The following CFAP47 variants were observed in gnomAD, a reference collection of about 807,000 sequenced individuals.
The protein encoded by CFAP47 is cilia- and flagella-associated protein 47.
Under a neutral mutation model 148.1 loss-of-function variants are expected in CFAP47, and 29 were observed. That is an observed-to-expected ratio of 0.20 (90% confidence interval 0.15 to 0.27). CFAP47 has a LOEUF of 0.27. CFAP47 is among the 10% of genes least tolerant of loss of function. The pLI is 1.00. For synonymous variants in CFAP47, 664 were observed against 577.3 expected, an observed-to-expected ratio of 1.15 and a Z score of -2.15; for missense variants, 1,872 against 1,697.5, an observed-to-expected ratio of 1.10 and a Z score of -1.81.
At chrX:36,145,061 T>TTATA in intron 35 of CFAP47, 158 bp from the exon 36 acceptor site, 3 of 367,755 alleles carry the variant, frequency 8.2e-6, no homozygotes, top group Non-Finnish European at 1.4e-5. Context: ...AAATTCCCGT[T>TTATA]TATATATATA....
At chrX:36,243,453 A>G (rs994795293) in intron 48 of CFAP47, among the ~76,000 whole-genome samples, 3 of 109,122 alleles carry the variant, frequency 2.7e-5, no homozygotes. Flanking sequence ...ACATGTAACA[A>G]TACCCACAGG....
chrX:36,055,162 T>C (rs768922481), intron 26 of CFAP47, among the ~76,000 whole-genome samples: 1 of 110,789 alleles, frequency 9.0e-6, no homozygotes, highest in Admixed American at 9.7e-5. Flanking sequence ...TTATTTATTT[T>C]TCTTCAATTT....
rs372346132 is a variant in CFAP47 at position 36,054,917 on chromosome X, C to A, written c.4217+7854C>A. ...CTTCCCGAGTACCTGGGACTACAGG[C>A]GCCCGCCACCACGCCCAGCTAATTT... On this transcript the variant is annotated intron_variant, in intron 26 of 63. Transcript: ENST00000378653. Among the ~76,000 whole-genome samples, 7 of 109,245 alleles carry A rather than the reference C, an allele frequency of 6.4e-5. No homozygotes were observed. In the South Asian group the frequency reaches 2.8e-3, roughly 44 times the overall value. 94.9% of individuals were successfully genotyped at this position (109,245 alleles called of 115,157 possible). A position where few individuals can be genotyped will look rare whatever the true frequency, so the allele number is the denominator to read the frequency against.
intron 25 of CFAP47, among the ~76,000 whole-genome samples, chrX:36,041,725 C>A (rs868047014): frequency 9.1e-6 from 1 of 110,117 alleles, no homozygotes; most frequent in Admixed American, 9.7e-5. Context: ...AGATCGAGAC[C>A]ATTTTGGCTA....
At position 36,358,037 on chromosome X, in the gene CFAP47, G is replaced by C. The variant is rs187466825; in HGVS notation, c.8852-3293G>C. Among the ~76,000 whole-genome samples the C allele has an allele frequency of 1.7e-3, 189 of 111,579 alleles. 2 individuals are homozygous for C. Among genetic ancestry groups the C allele is most frequent in the East Asian group, 1.1e-3 (4 of 3,522 alleles). ...CAGGTTTGGCCTGTAATCACAAACA[G>C]CTCCTGAGAAACCTGTCATTGTTCC... On this transcript the variant is annotated intron_variant, in intron 60 of 63. Transcript: ENST00000378653.
chrX:36,378,671 C>G (rs898957659), intron 62 of CFAP47, among the ~76,000 whole-genome samples: 1 of 111,529 alleles, frequency 9.0e-6, no homozygotes, highest in Non-Finnish European at 1.9e-5. Flanking sequence ...TCCCTAGTAA[C>G]TGGGATTACA....
chrX:36,127,102 A>T (rs1938853612), intron 33 of CFAP47, among the ~76,000 whole-genome samples: 1 of 111,672 alleles, frequency 9.0e-6, no homozygotes, highest in Non-Finnish European at 1.9e-5. Flanking sequence ...GTTTAATTAG[A>T]TCCCATTTGT....
At chrX:36,231,795 C>A (rs1940364532) in intron 46 of CFAP47, among the ~76,000 whole-genome samples, 1 of 111,418 alleles carries the variant, frequency 9.0e-6, no homozygotes, top group Non-Finnish European at 1.9e-5. Context: ...CCATCAATAC[C>A]TAATTTATTG....
intron 46 of CFAP47, among the ~76,000 whole-genome samples, chrX:36,230,847 G>A (rs1212596546): frequency 9.4e-6 from 1 of 106,061 alleles, no homozygotes; most frequent in Non-Finnish European, 1.9e-5. Flanking sequence ...AGTTTTCCCA[G>A]CACCATTTAT....
intron 34 of CFAP47, 65 bp from the exon 35 acceptor site, chrX:36,138,283 A>G: frequency 1.0e-6 from 1 of 993,634 alleles, no homozygotes; most frequent in Non-Finnish European, 1.3e-6. Context: ...CTAACTATAG[A>G]GAACACTTAA....
intron 15 of CFAP47, among the ~76,000 whole-genome samples, chrX:35,987,206 A>G (rs1936727907): frequency 9.0e-6 from 1 of 111,502 alleles, no homozygotes; most frequent in African/African-American, 3.3e-5. Flanking sequence ...CTGTGCCCAC[A>G]GCTGCCTCTT....
intron 39 of CFAP47, among the ~76,000 whole-genome samples, chrX:36,173,899 G>C (rs1169604899): frequency 9.0e-6 from 1 of 111,501 alleles, no homozygotes; most frequent in Non-Finnish European, 1.9e-5. Flanking sequence ...TCACACTGGG[G>C]TGTTAAAGTC....
chrX:36,289,644 T>A (rs1556005265), intron 51 of CFAP47, among the ~76,000 whole-genome samples: 3 of 111,826 alleles, frequency 2.7e-5, no homozygotes. Flanking sequence ...TTTTAAAAAT[T>A]TTAAAGCACT....
At chrX:36,253,960 T>G (rs1940720911) in intron 49 of CFAP47, among the ~76,000 whole-genome samples, 1 of 111,906 alleles carries the variant, frequency 8.9e-6, no homozygotes, top group African/African-American at 3.2e-5. Flanking sequence ...TTCTGGTTGG[T>G]CAGTATTGGG....
chrX:36,028,180 A>G (rs1022696815), intron 22 of CFAP47, among the ~76,000 whole-genome samples: 24 of 109,432 alleles, frequency 2.2e-4, no homozygotes, highest in African/African-American at 7.9e-4. Context: ...GTCCATTTTT[A>G]TTTTTGTTGT....
intron 49 of CFAP47, among the ~76,000 whole-genome samples, chrX:36,276,796 A>G (rs1036518134): frequency 1.8e-5 from 2 of 112,305 alleles, no homozygotes; most frequent in African/African-American, 6.5e-5. Flanking sequence ...GAGTTGAACA[A>G]CTGGATTAAT....
chrX:35,966,707 G>T lies in CFAP47; in HGVS notation c.1553G>T (p.Ser518Ile). 8.5e-7 allele frequency: 1 copy of T among 1,171,728 alleles called. No homozygotes were observed. Among genetic ancestry groups the T allele is most frequent in the Non-Finnish European group, 1.1e-6 (1 of 873,905 alleles). The change falls in exon 9 of 64, where the codon AGC (serine) becomes ATC (isoleucine). Residue 518 changes from serine to isoleucine, a missense_variant. Coordinates refer to ENST00000378653, the MANE Select transcript of CFAP47 (RefSeq NM_001304548.2). ...SFHHVYLAFN[S>I]ICKASTKKVV... is the part of the protein sequence containing the mutation. ...CATCACGTATATTTAGCTTTCAACA[G>T]CATCTGTAAAGCTTCCACCAAGAAA...
intron 21 of CFAP47, among the ~76,000 whole-genome samples, chrX:36,008,252 CT>C (rs757197270): frequency 8.9e-6 from 1 of 111,902 alleles, no homozygotes; most frequent in Non-Finnish European, 1.9e-5. Flanking sequence ...CTTCCCTTCC[CT>C]TTTTCTCTGC....
intron 2 of CFAP47, among the ~76,000 whole-genome samples, chrX:35,935,140 CT>C (rs780624634): frequency 9.0e-6 from 1 of 111,664 alleles, no homozygotes; most frequent in East Asian, 2.8e-4. Flanking sequence ...TAGAACTCAT[CT>C]AGAAGTTGCA....
Sources: allele counts gnomAD v4.1 joint callset (sites outside exome capture counted in the v4.1 genomes callset), GRCh38; gene constraint gnomAD v4.1.1; transcripts MANE v1.5; gene names NCBI Gene and HGNC (gene_info 2026-07-23, HGNC 2026-07-21).